The following AIG1 variants were observed in gnomAD, a reference collection of about 807,000 sequenced individuals.
The protein encoded by AIG1 is androgen induced 1.
Under a neutral mutation model 31.4 loss-of-function variants are expected in AIG1, and 23 were observed. The observed-to-expected ratio is 0.73, with a 90% CI of 0.53 to 1.04. The LOEUF is 1.04. Ranked by LOEUF, AIG1 falls within the 50% of genes least tolerant of loss-of-function variation. AIG1 has a pLI of 0.00. For synonymous variants in AIG1, 100 were observed against 110.5 expected, an observed-to-expected ratio of 0.90 and a Z score of 0.60; for missense variants, 274 against 295.0, an observed-to-expected ratio of 0.93 and a Z score of 0.52.
intron 1 of AIG1, among the ~76,000 whole-genome samples, chr6:143,120,382 T>C (rs1023917682): frequency 6.6e-6 from 1 of 152,188 alleles, no homozygotes; most frequent in African/African-American, 2.4e-5. Flanking sequence ...AAGACATACC[T>C]GAGACTGGGT....
intron 1 of AIG1, among the ~76,000 whole-genome samples, chr6:143,072,339 CT>C (rs1315436459): frequency 1.3e-5 from 2 of 151,942 alleles, no homozygotes; most frequent in South Asian, 4.2e-4. Context: ...ATGGGAGTTT[CT>C]TTTTTTTATT....
intron 3 of AIG1, among the ~76,000 whole-genome samples, chr6:143,227,795 C>G (rs1247428580): frequency 1.3e-5 from 2 of 152,056 alleles, no homozygotes; most frequent in African/African-American, 4.8e-5. Flanking sequence ...GCACAGGGAC[C>G]CAGGACAGGC....
In AIG1 at chr6:143,225,027, G is replaced by C. The variant is rs192172583; in HGVS notation, c.400-59083G>C. The stretch of plus-strand genomic sequence containing the variant: ...TAAAAGTCTTCCTGCTTGGAGTCCA[G>C]TAGCTTTCCTCCGACTTAATTCCAA... On this transcript the variant is annotated intron_variant, in intron 3 of 5. Coordinates refer to ENST00000357847, the MANE Select transcript of AIG1 (RefSeq NM_016108.4). Among the ~76,000 whole-genome samples the C allele has an allele frequency of 1.1e-4, 16 of 152,298 alleles. No homozygotes were observed. In the East Asian group the frequency reaches 3.1e-3, roughly 29 times the overall value.
In AIG1 at chr6:143,339,621, C is replaced by G. The variant is rs761346720; in HGVS notation, c.680-18C>G. ...TTTAATCTGATGCTCAAATAAAACA[C>G]TTTGCCTGTATTTCTAGGTATGGAA... On this transcript the variant is annotated intron_variant, in intron 5 of 5. Transcript: ENST00000357847. The G allele has an allele frequency of 1.9e-6, 3 of 1,612,022 alleles. No individual in the cohort carries two copies. The highest frequency in any genetic ancestry group is 2.5e-6 in the Non-Finnish European group (3 of 1,179,084).
At chr6:143,092,003 TA>T (rs766044133) in intron 1 of AIG1, among the ~76,000 whole-genome samples, 40 of 151,204 alleles carry the variant, frequency 2.6e-4, no homozygotes, top group African/African-American at 7.0e-4. Flanking sequence ...ATATTTTACC[TA>T]AAAAAAAATG....
In AIG1 at chr6:143,121,234, C is replaced by T. The variant is rs897698410; in HGVS notation, c.142-15601C>T. Among the ~76,000 whole-genome samples the T allele has an allele frequency of 7.9e-5, 12 of 152,304 alleles. No homozygotes were observed. The Middle Eastern group carries it at 0.014, about 173-fold the overall frequency. ...GTGTGTGTGTCTTTAATTCCTCTAG[C>T]GCTGCTGGGTTAGGGTCTTCCCGAC... On this transcript the variant is annotated intron_variant, in intron 1 of 5. Transcript: ENST00000357847.
chr6:143,168,478 A>G (rs566637465), intron 3 of AIG1, among the ~76,000 whole-genome samples: 1 of 144,974 alleles, frequency 6.9e-6, no homozygotes, highest in African/African-American at 2.6e-5. Context: ...TCATCGTTCA[A>G]TTCCCACCTA....
At chr6:143,248,805 A>T (rs1382148432) in intron 3 of AIG1, among the ~76,000 whole-genome samples, 1 of 152,214 alleles carries the variant, frequency 6.6e-6, no homozygotes, top group Non-Finnish European at 1.5e-5. Flanking sequence ...GAGCAACCAT[A>T]TTTTTAAAAG....
intron 1 of AIG1, 115 bp downstream of exon 1, chr6:143,061,181 C>A: frequency 7.8e-7 from 1 of 1,286,478 alleles, no homozygotes; most frequent in Non-Finnish European, 1.1e-6. Flanking sequence ...TGCGCGCCTC[C>A]AGCATCCACC....
At chr6:143,226,250 T>TTTC (rs1792940789) in intron 3 of AIG1, among the ~76,000 whole-genome samples, 1 of 144,160 alleles carries the variant, frequency 6.9e-6, no homozygotes, top group Non-Finnish European at 1.6e-5. Flanking sequence ...ATATATATTT[T>TTTC]TTTTTTTTTG....
At chr6:143,252,620 C>G (rs192046377) in intron 3 of AIG1, among the ~76,000 whole-genome samples, 1 of 152,132 alleles carries the variant, frequency 6.6e-6, no homozygotes, top group African/African-American at 2.4e-5. Context: ...TGGGCTAACC[C>G]GAACATGTAT....
At chr6:143,168,195 A>G (rs1787144477) in intron 3 of AIG1, among the ~76,000 whole-genome samples, 2 of 152,134 alleles carry the variant, frequency 1.3e-5, no homozygotes, top group African/African-American at 4.8e-5. Flanking sequence ...GGTTTTTAAT[A>G]TTTAATTTAA....
chr6:143,304,817 G>T (rs546338850), intron 4 of AIG1, among the ~76,000 whole-genome samples: 2 of 152,210 alleles, frequency 1.3e-5, no homozygotes, highest in South Asian at 4.1e-4. Flanking sequence ...ATTCCTCCTT[G>T]TACCTCTGGT....
chr6:143,083,598 A>G (rs1024583115), intron 1 of AIG1, among the ~76,000 whole-genome samples: 21 of 152,092 alleles, frequency 1.4e-4, no homozygotes, highest in Admixed American at 1.3e-3. Context: ...ACTAACCTCC[A>G]TTGTCCATTG....
intron 2 of AIG1, among the ~76,000 whole-genome samples, chr6:143,145,617 G>A (rs1203816247): frequency 6.6e-6 from 1 of 152,170 alleles, no homozygotes; most frequent in East Asian, 1.9e-4. Flanking sequence ...CAGTGTGGGA[G>A]CCTGGGAAGG....
At chr6:143,176,348 C>T (rs2128579544) in intron 3 of AIG1, among the ~76,000 whole-genome samples, 1 of 152,186 alleles carries the variant, frequency 6.6e-6, no homozygotes, top group South Asian at 2.1e-4. Flanking sequence ...TAAACTTACC[C>T]TAGGGTCGCC....
chr6:143,188,340 G>T (rs180709209), intron 3 of AIG1: 6 of 985,478 alleles, frequency 6.1e-6, no homozygotes, highest in Admixed American at 1.2e-4. Context: ...TTTACTGAGC[G>T]ATGTATTTAT....
intron 3 of AIG1, among the ~76,000 whole-genome samples, chr6:143,225,276 T>A (rs1284257850): frequency 6.6e-6 from 1 of 152,194 alleles, no homozygotes; most frequent in East Asian, 1.9e-4. Context: ...TATCCCTCTC[T>A]TTTTTATATT....
chr6:143,228,364 G>A (rs1199406033), intron 3 of AIG1, among the ~76,000 whole-genome samples: 1 of 152,190 alleles, frequency 6.6e-6, no homozygotes, highest in African/African-American at 2.4e-5. Flanking sequence ...TGGCCAAGGC[G>A]AAGATGGAGT....
Sources: gnomAD v4.1 joint callset for allele counts (sites outside exome capture counted in the v4.1 genomes callset) on GRCh38, gnomAD v4.1.1 for gene constraint, MANE v1.5 for transcripts, NCBI Gene and HGNC (gene_info 2026-07-23, HGNC 2026-07-21) for gene names.